PTER: variants seen among roughly 807,000 people sequenced by gnomAD.
PTER encodes the protein phosphotriesterase related.
In PTER, 38 loss-of-function variants were observed where a neutral mutation model predicts 29.6. The observed-to-expected ratio is 1.28, with a 90% CI of 0.99 to 1.68. The LOEUF is 1.68. Ranked by LOEUF, PTER falls within the 40% of genes most tolerant of loss-of-function variation. The pLI is 0.00. For missense variants in PTER, 482 were observed against 427.8 expected, an observed-to-expected ratio of 1.13 and a Z score of -1.12; for synonymous variants, 172 against 154.5, an observed-to-expected ratio of 1.11 and a Z score of -0.84.
At chr10:16,460,822 T>G (rs764519208) in intron 1 of PTER, among the ~76,000 whole-genome samples, 7 of 152,142 alleles carry the variant, frequency 4.6e-5, no homozygotes, top group Non-Finnish European at 1.0e-4. Flanking sequence ...GTTCAAGAGA[T>G]TCTCCTGCCT....
chr10:16,487,613 C>T (rs978223388), intron 3 of PTER, among the ~76,000 whole-genome samples: 3 of 152,096 alleles, frequency 2.0e-5, no homozygotes, highest in Non-Finnish European at 2.9e-5. Flanking sequence ...CATTTAATCC[C>T]TACATATTAT....
At chr10:16,454,836 T>C (rs1274276742) in intron 1 of PTER, among the ~76,000 whole-genome samples, 1 of 151,976 alleles carries the variant, frequency 6.6e-6, no homozygotes, top group Admixed American at 6.6e-5. Flanking sequence ...TGATAATAAG[T>C]ACTATATAGT....
Position 16,503,065 on chromosome 10 carries a change from C to CTTTTTTTTTTTTT in PTER, c.699-1940_699-1928dup, listed in dbSNP as rs541383811. ...GTAGATTCATGGACACATGATAGTG[C>CTTTTTTTTTTTTT]TTTTTTTTTTTTTTTTTTTTTTTTT... On this transcript the variant is annotated intron_variant, in intron 3 of 4. Coordinates refer to ENST00000535784, the MANE Select transcript of PTER (RefSeq NM_001261836.2). Among the ~76,000 whole-genome samples, 4 of 69,432 alleles carry CTTTTTTTTTTTTT rather than the reference C, an allele frequency of 5.8e-5. 1 individual carries two copies. The highest frequency in any genetic ancestry group is 1.0e-3 in the East Asian group (2 of 1,978). The allele number at this position is 69,432 out of a possible 152,430, so 45.6% of individuals were successfully genotyped here. A position where few individuals can be genotyped will look rare whatever the true frequency, so the allele number is the denominator to read the frequency against.
chr10:16,465,380 T>C (rs1834771046), intron 1 of PTER, among the ~76,000 whole-genome samples: 2 of 152,196 alleles, frequency 1.3e-5, no homozygotes, highest in Non-Finnish European at 2.9e-5. Context: ...CAACATTAAA[T>C]TGAAATGTAT....
intron 3 of PTER, among the ~76,000 whole-genome samples, chr10:16,494,699 T>A (rs1028395591): frequency 6.6e-6 from 1 of 152,194 alleles, no homozygotes; most frequent in African/African-American, 2.4e-5. Flanking sequence ...AAGTAGCAAA[T>A]TACATATTTT....
intron 1 of PTER, among the ~76,000 whole-genome samples, chr10:16,445,273 G>T (rs934225661): frequency 6.6e-6 from 1 of 152,136 alleles, no homozygotes; most frequent in African/African-American, 2.4e-5. Flanking sequence ...GAGGCTGAGC[G>T]TGGTGGCTCC....
intron 4 of PTER, among the ~76,000 whole-genome samples, chr10:16,505,710 A>C (rs1836534405): frequency 6.6e-6 from 1 of 152,358 alleles, no homozygotes; most frequent in East Asian, 1.9e-4. Context: ...TTTGTAATCA[A>C]GTAGAAAATT....
intron 1 of PTER, among the ~76,000 whole-genome samples, chr10:16,454,717 A>G (rs1834332462): frequency 1.3e-5 from 2 of 152,084 alleles, no homozygotes; most frequent in South Asian, 4.1e-4. Flanking sequence ...TTTTTATGGC[A>G]AGTAAGTATA....
chr10:16,443,432 C>T (rs117108023), intron 1 of PTER, among the ~76,000 whole-genome samples: 1,608 of 152,274 alleles, frequency 0.011, 17 homozygotes, highest in South Asian at 0.026. Flanking sequence ...CCAAAATGCT[C>T]CACTGCAATA....
intron 1 of PTER, among the ~76,000 whole-genome samples, chr10:16,439,547 G>A (rs906100970): frequency 6.6e-6 from 1 of 152,130 alleles, no homozygotes; most frequent in Admixed American, 6.5e-5. Flanking sequence ...GAATTTTAGA[G>A]ATTGTCTCAG....
At chr10:16,485,006 C>A (rs550586024) in intron 2 of PTER, among the ~76,000 whole-genome samples, 190 bp downstream of exon 2, 123 of 152,154 alleles carry the variant, frequency 8.1e-4, no homozygotes, top group Middle Eastern at 6.8e-3. Flanking sequence ...TGCAAGCAAG[C>A]CTTGTGGTAA....
chr10:16,486,527 G>A lies in PTER; in HGVS notation c.608G>A (p.Gly203Glu), dbSNP rs751691244. The A allele has an allele frequency of 9.3e-6, 15 of 1,614,042 alleles. No homozygotes were observed. The highest frequency in any genetic ancestry group is 1.2e-5 in the Non-Finnish European group (14 of 1,179,972). ...QLGCPVIIHP[G>E]RSSRAPFQII... The stretch of plus-strand genomic sequence containing the variant: ...GGTTGTCCTGTTATTATCCATCCTG[G>A]ACGGAGCTCCAGGGCACCATTTCAG... Residue 203 changes from glycine (G) to glutamate (E), a missense_variant, in exon 3 of 5, where the codon GGA becomes GAA. Transcript: ENST00000535784.
intron 4 of PTER, among the ~76,000 whole-genome samples, chr10:16,509,085 C>G (rs901958262): frequency 6.6e-6 from 1 of 152,184 alleles, no homozygotes; most frequent in Non-Finnish European, 1.5e-5. Flanking sequence ...TTTGCAAACA[C>G]TAACTCATTT....
intron 1 of PTER, among the ~76,000 whole-genome samples, chr10:16,483,373 T>A (rs1835553400): frequency 6.6e-6 from 1 of 152,176 alleles, no homozygotes. Context: ...AAGAGGTTCG[T>A]TTCTTGTTGT....
At chr10:16,459,839 C>T (rs924172701) in intron 1 of PTER, among the ~76,000 whole-genome samples, 2 of 152,146 alleles carry the variant, frequency 1.3e-5, no homozygotes, top group Non-Finnish European at 2.9e-5. Flanking sequence ...CCTCCGCCTC[C>T]CGGGTTCAAC....
intron 4 of PTER, among the ~76,000 whole-genome samples, chr10:16,506,951 AG>A (rs1836595792): frequency 6.6e-6 from 1 of 151,928 alleles, no homozygotes; most frequent in Non-Finnish European, 1.5e-5. Context: ...TATTTTCCAA[AG>A]CAAAACTGTT....
chr10:16,480,273 T>A (rs1463580706), intron 1 of PTER, among the ~76,000 whole-genome samples: 2 of 149,702 alleles, frequency 1.3e-5, no homozygotes, highest in Admixed American at 6.7e-5. Context: ...CACTGCACCC[T>A]CCACCTCCCA....
intron 3 of PTER, among the ~76,000 whole-genome samples, chr10:16,496,706 A>G (rs1449171845): frequency 6.6e-6 from 1 of 152,282 alleles, no homozygotes; most frequent in African/African-American, 2.4e-5. Flanking sequence ...CACAGTAGAT[A>G]CTGAAATTCT....
chr10:16,441,280 A>T (rs371678800), intron 1 of PTER, among the ~76,000 whole-genome samples: 2 of 152,250 alleles, frequency 1.3e-5, no homozygotes, highest in Non-Finnish European at 2.9e-5. Flanking sequence ...TTGTGAAAAG[A>T]TGATTCTTCC....
Sources: gnomAD v4.1 joint callset for allele counts (sites outside exome capture counted in the v4.1 genomes callset) on GRCh38, gnomAD v4.1.1 for gene constraint, MANE v1.5 for transcripts, NCBI Gene and HGNC (gene_info 2026-07-23, HGNC 2026-07-21) for gene names.